The following DENND4A variants were observed in gnomAD, a reference collection of about 807,000 sequenced individuals.
DENND4A encodes C-myc promoter-binding protein.
Under a neutral mutation model 199.3 loss-of-function variants are expected in DENND4A, and 70 were observed. That is an observed-to-expected ratio of 0.35 (90% CI 0.29 to 0.43). The LOEUF is 0.43. Among genes scored for constraint, DENND4A ranks in the 20% least tolerant of loss-of-function variants. The pLI, the probability that DENND4A is intolerant of heterozygous loss-of-function variation, is 1.00. For missense variants in DENND4A, 1,723 were observed against 2,255.8 expected, an observed-to-expected ratio of 0.76 and a Z score of 4.78; for synonymous variants, 686 against 766.9, an observed-to-expected ratio of 0.89 and a Z score of 1.74.
At chr15:65,696,793 T>C in intron 21 of DENND4A, 2 of 265,984 alleles carry the variant, frequency 7.5e-6, no homozygotes, top group African/African-American at 2.2e-5. Context: ...GTAAATATAA[T>C]CACAATCCAT....
At chr15:65,734,593 C>T (rs1453105501) in intron 7 of DENND4A, among the ~76,000 whole-genome samples, 2 of 152,118 alleles carry the variant, frequency 1.3e-5, no homozygotes, top group African/African-American at 2.4e-5. Flanking sequence ...GAAACACCCA[C>T]AGGTGTGGAG....
chr15:65,772,884 G>A (rs542001533), intron 1 of DENND4A, among the ~76,000 whole-genome samples: 13 of 151,338 alleles, frequency 8.6e-5, no homozygotes, highest in Non-Finnish European at 1.3e-4. Context: ...GAGGATACAC[G>A]AAGTCAGCAG....
At chr15:65,714,772 T>C (rs994543380) in intron 14 of DENND4A, among the ~76,000 whole-genome samples, 1 of 152,228 alleles carries the variant, frequency 6.6e-6, no homozygotes, top group Non-Finnish European at 1.5e-5. Flanking sequence ...CCCCTGAACA[T>C]GGATACCCTC....
At chr15:65,776,363 C>T (rs1240099412) in intron 1 of DENND4A, among the ~76,000 whole-genome samples, 1 of 152,124 alleles carries the variant, frequency 6.6e-6, no homozygotes, top group African/African-American at 2.4e-5. Context: ...AGCTAATCAC[C>T]TCCATTGTTT....
intron 23 of DENND4A, among the ~76,000 whole-genome samples, chr15:65,682,305 G>GATGATTAGCTACATCATCAGA (rs2076606596): frequency 6.6e-6 from 1 of 152,126 alleles, no homozygotes. Flanking sequence ...CATAGGTCTC[G>GATGATTAGCTACATCATCAGA]GGGATAATTA....
chr15:65,681,652 T>G (rs113322876), intron 23 of DENND4A, among the ~76,000 whole-genome samples: 2 of 150,810 alleles, frequency 1.3e-5, no homozygotes, highest in Non-Finnish European at 2.9e-5. Context: ...CTCAGCCCAA[T>G]GCAACCTCCG....
chr15:65,737,977 AC>A (rs2076160545), intron 6 of DENND4A, 32 bp from the exon 7 acceptor site: 1 of 1,531,550 alleles, frequency 6.5e-7, no homozygotes, highest in Non-Finnish European at 8.8e-7. Context: ...CAGTAAATAT[AC>A]TTTGTATCAT....
intron 1 of DENND4A, among the ~76,000 whole-genome samples, chr15:65,768,953 C>T (rs1432498374): frequency 1.3e-5 from 2 of 151,304 alleles, no homozygotes; most frequent in African/African-American, 4.9e-5. Context: ...GAGATCACAC[C>T]ACTGCACTCT....
intron 7 of DENND4A, among the ~76,000 whole-genome samples, chr15:65,733,431 A>T (rs546975601): frequency 3.3e-5 from 5 of 152,306 alleles, no homozygotes; most frequent in South Asian, 2.1e-4. Context: ...GAATTTTTTT[A>T]AAAATTTTTG....
chr15:65,682,082 G>A (rs899148448), intron 23 of DENND4A, among the ~76,000 whole-genome samples: 4 of 152,156 alleles, frequency 2.6e-5, no homozygotes, highest in Admixed American at 6.6e-5. Context: ...AGGATTTTCA[G>A]AATGGTAGAT....
chr15:65,731,542 G>A (rs1168474556), intron 9 of DENND4A, 100 bp downstream of exon 9: 8 of 895,446 alleles, frequency 8.9e-6, no homozygotes, highest in Non-Finnish European at 1.4e-5. Context: ...TAAATGAGAA[G>A]TATTTCCATC....
chr15:65,677,610 A>C (rs1034092207), intron 23 of DENND4A, among the ~76,000 whole-genome samples: 6 of 152,172 alleles, frequency 3.9e-5, no homozygotes, highest in African/African-American at 1.4e-4. Context: ...ATGAGAAAAA[A>C]ATTTTTTAAA....
intron 32 of DENND4A, among the ~76,000 whole-genome samples, chr15:65,663,564 A>G (rs1210006190): frequency 6.6e-6 from 1 of 152,024 alleles, no homozygotes; most frequent in Non-Finnish European, 1.5e-5. Context: ...TAGACTCCCT[A>G]TTCTGTACCA....
chr15:65,664,794 T>C, intron 30 of DENND4A, 72 bp from the exon 31 acceptor site: 1 of 1,274,270 alleles, frequency 7.8e-7, no homozygotes, highest in Non-Finnish European at 1.1e-6. Context: ...AAGCAGCAAC[T>C]GACAGATATT....
chr15:65,751,602 A>T (rs1029227218), intron 4 of DENND4A, among the ~76,000 whole-genome samples: 3 of 152,128 alleles, frequency 2.0e-5, no homozygotes, highest in Admixed American at 6.5e-5. Context: ...GGATGGGGAG[A>T]TGAAAAGGAA....
chr15:65,663,359 G>C lies in DENND4A; in HGVS notation c.5587+971C>G, dbSNP rs959577240. On this transcript the variant is annotated intron_variant, in intron 32 of 32. Transcript: ENST00000443035. ...TGAGTAGCTGGGACTACAGGCATGC[G>C]CCACCACGCCTGGCTAATTTTGTAT... 1.6e-3 allele frequency among the ~76,000 whole-genome samples: 244 copies of C among 151,506 alleles called. 4 individuals are homozygous for C. The highest frequency in any genetic ancestry group is 5.2e-4 in the Non-Finnish European group (35 of 67,818).
Position 65,676,550 on chromosome 15 carries a change from G to C in DENND4A, c.4264C>G (p.His1422Asp). ...STSLTDEDVC[H>D]ELEGPISSQE... ...GAGGAGATAGGTCCTTCCAACTCAT[G>C]GCAGACATCTTCATCTGTTAAAGAG... Residue 1422 changes from histidine to aspartate, a missense_variant, in exon 24 of 33, where the codon CAT becomes GAT. His to Asp is a moderately conservative substitution (Grantham distance 81, BLOSUM62 -1). Coordinates refer to ENST00000443035, the MANE Select transcript of DENND4A (RefSeq NM_001320835.1). The C allele has an allele frequency of 1.9e-6, 3 of 1,613,606 alleles. No homozygotes were observed. The highest frequency in any genetic ancestry group is 2.5e-6 in the Non-Finnish European group (3 of 1,179,724).
At position 65,690,773 on chromosome 15, in the gene DENND4A, C is replaced by T. The variant is rs374961379; in HGVS notation, c.3821G>A (p.Arg1274Gln). The stretch of plus-strand genomic sequence containing the variant: ...CTTATTTAATTTATCATCACATGCC[C>T]GTTGTAAATCAATGCTTGGTGTACG... ...TSRTPSIDLQRACDDKLNKKS... is the reference protein window; with the variant it reads ...TSRTPSIDLQQACDDKLNKKS... Residue 1274 changes from arginine to glutamine, a missense_variant, in exon 23 of 33, where the codon CGG becomes CAG. Transcript: ENST00000443035. The T allele has an allele frequency of 6.6e-5, 107 of 1,613,320 alleles. No homozygotes were observed. The highest frequency in any genetic ancestry group is 7.5e-5 in the Non-Finnish European group (88 of 1,179,752).
At position 65,752,640 on chromosome 15, in the gene DENND4A, T is replaced by C; in HGVS notation, c.312-12A>G. The C allele has an allele frequency of 6.9e-7, 1 of 1,447,784 alleles. No individual in the cohort carries two copies. The highest frequency in any genetic ancestry group is 9.3e-7 in the Non-Finnish European group (1 of 1,073,816). The allele number at this position is 1,447,784 out of a possible 1,614,324, so 89.7% of individuals were successfully genotyped here. A position where few individuals can be genotyped will look rare whatever the true frequency, so the allele number is the denominator to read the frequency against. On this transcript the variant is annotated splice_polypyrimidine_tract_variant and intron_variant, in intron 3 of 32. Coordinates refer to ENST00000443035, the MANE Select transcript of DENND4A (RefSeq NM_001320835.1). The stretch of plus-strand genomic sequence containing the variant: ...AGTCATATAAAACCCTAAAAATAAA[T>C]TTTTAAAAATAAATACACAAAGCAC...
Sources: allele counts gnomAD v4.1 joint callset (sites outside exome capture counted in the v4.1 genomes callset), GRCh38; gene constraint gnomAD v4.1.1; transcripts MANE v1.5; gene names NCBI Gene and HGNC (gene_info 2026-07-23, HGNC 2026-07-21).